The following NTM variants were observed in gnomAD, a reference collection of about 807,000 sequenced individuals.
NTM encodes neurotrimin.
In NTM, 13 loss-of-function variants were observed where a neutral mutation model predicts 42.1. The ratio of observed to expected loss-of-function variants is 0.31; its 90% CI spans 0.20 to 0.49. The LOEUF is 0.49. Among genes scored for constraint, NTM ranks in the 20% least tolerant of loss-of-function variants. The pLI is 0.99. For missense variants in NTM, 373 were observed against 452.8 expected (o/e 0.82, Z 1.60); for synonymous variants, 187 against 179.2 (o/e 1.04, Z -0.35).
intron 1 of NTM, among the ~76,000 whole-genome samples, chr11:131,752,535 C>T (rs954926398): frequency 2.6e-5 from 4 of 152,218 alleles, no homozygotes; most frequent in African/African-American, 9.7e-5. Flanking sequence ...AATCCCATTA[C>T]TGGGTATATA....
At chr11:131,920,734 A>G (rs1163610949) in intron 2 of NTM, among the ~76,000 whole-genome samples, 3 of 152,218 alleles carry the variant, frequency 2.0e-5, no homozygotes, top group Non-Finnish European at 4.4e-5. Flanking sequence ...TAATCTTACA[A>G]TCTTGCTGAT....
chr11:132,126,124 G>A (rs538791947), intron 2 of NTM, among the ~76,000 whole-genome samples: 1 of 152,230 alleles, frequency 6.6e-6, no homozygotes, highest in East Asian at 1.9e-4. Flanking sequence ...GTGTGTGAAC[G>A]AGTGCAGAAA....
chr11:132,307,372 C>T lies in NTM; in HGVS notation c.527-317C>T, dbSNP rs1011149062. Among the ~76,000 whole-genome samples the T allele has an allele frequency of 1.1e-4, 16 of 152,220 alleles. 1 individual carries two copies. The highest frequency in any genetic ancestry group is 5.8e-4 in the East Asian group (3 of 5,172). On this transcript the variant is annotated intron_variant, in intron 4 of 8. Coordinates refer to ENST00000683400, the MANE Select transcript of NTM (RefSeq NM_001352005.2). ...GCCTGACTCAGATCCCAGAGCACGA[C>T]GGCTTGGTAAGATACAGGCAGTGTA...
chr11:131,418,457 C>A (rs949332986), intron 1 of NTM, among the ~76,000 whole-genome samples: 1 of 152,188 alleles, frequency 6.6e-6, no homozygotes, highest in East Asian at 1.9e-4. Context: ...TCCTTTGTTT[C>A]CCATCTTCCA....
intron 1 of NTM, among the ~76,000 whole-genome samples, chr11:131,478,298 G>A (rs1025025176): frequency 3.3e-5 from 5 of 152,056 alleles, no homozygotes; most frequent in Admixed American, 6.5e-5. Flanking sequence ...TCTTTGTTAC[G>A]TGGCTACTTC....
intron 1 of NTM, among the ~76,000 whole-genome samples, chr11:131,685,261 A>G (rs1157186843): frequency 6.8e-6 from 1 of 147,898 alleles, no homozygotes; most frequent in African/African-American, 2.7e-5. Context: ...TTCCTGATGC[A>G]CTCCTCAAGC....
chr11:131,935,030 G>C (rs2059060697), intron 2 of NTM, among the ~76,000 whole-genome samples: 1 of 152,286 alleles, frequency 6.6e-6, no homozygotes, highest in East Asian at 1.9e-4. Flanking sequence ...CAGTATTCAG[G>C]TGAGGGATAG....
chr11:131,738,129 G>C (rs1371312484), intron 1 of NTM, among the ~76,000 whole-genome samples: 3 of 152,160 alleles, frequency 2.0e-5, no homozygotes, highest in Non-Finnish European at 4.4e-5. Context: ...AGGGGATGGG[G>C]ATGGATGGCC....
At chr11:132,040,128 G>A (rs564752349) in intron 2 of NTM, among the ~76,000 whole-genome samples, 6 of 152,082 alleles carry the variant, frequency 3.9e-5, no homozygotes, top group African/African-American at 1.4e-4. Flanking sequence ...CGAGATGGGG[G>A]TTTCACCATG....
At chr11:131,678,341 C>T (rs2071800274) in intron 1 of NTM, among the ~76,000 whole-genome samples, 1 of 152,236 alleles carries the variant, frequency 6.6e-6, no homozygotes, top group African/African-American at 2.4e-5. Context: ...AGCCCTCTGG[C>T]TCTGGGCAGT....
intron 2 of NTM, among the ~76,000 whole-genome samples, chr11:132,103,243 G>C (rs1056001425): frequency 1.1e-4 from 16 of 152,330 alleles, no homozygotes; most frequent in African/African-American, 3.8e-4. Flanking sequence ...CATCGTCCCT[G>C]CCAGATTGGA....
chr11:132,152,708 C>T (rs2137455076), intron 3 of NTM, among the ~76,000 whole-genome samples: 1 of 152,284 alleles, frequency 6.6e-6, no homozygotes, highest in African/African-American at 2.4e-5. Flanking sequence ...CAGTTGCTGA[C>T]AACGGAGGGA....
At chr11:132,149,157 G>C (rs962809041) in intron 3 of NTM, among the ~76,000 whole-genome samples, 1 of 139,418 alleles carries the variant, frequency 7.2e-6, no homozygotes, top group Non-Finnish European at 1.5e-5. Context: ...TCTTCAAAGC[G>C]ATCAGACAAA....
chr11:132,019,256 T>C (rs2073950782), intron 2 of NTM, among the ~76,000 whole-genome samples: 1 of 123,802 alleles, frequency 8.1e-6, no homozygotes, highest in South Asian at 2.9e-4. Context: ...AGGTTATTGG[T>C]TGAGATCTTT....
At chr11:131,535,250 C>A (rs918162278) in intron 1 of NTM, 10 of 152,296 alleles carry the variant, frequency 6.6e-5, no homozygotes, top group African/African-American at 2.2e-4. Flanking sequence ...GGCAGGGGAA[C>A]AAGGCACTAT....
chr11:131,995,744 G>A (rs1018584260), intron 2 of NTM, among the ~76,000 whole-genome samples: 3 of 151,926 alleles, frequency 2.0e-5, no homozygotes, highest in South Asian at 4.2e-4. Flanking sequence ...CAACAAAGAC[G>A]GCTTTATTCA....
chr11:132,310,810 A>ATTTGT (rs1207008395), intron 6 of NTM, among the ~76,000 whole-genome samples: 1 of 152,098 alleles, frequency 6.6e-6, no homozygotes, highest in African/African-American at 2.4e-5. Flanking sequence ...TCCTCGGGAT[A>ATTTGT]TTTGTTGTGA....
intron 2 of NTM, among the ~76,000 whole-genome samples, chr11:132,041,198 G>T (rs7113745): frequency 0.39 from 57,410 of 145,586 alleles, 12,239 homozygotes; most frequent in East Asian, 0.78. Context: ...TTTGTGTGTG[G>T]GTGTGTGTGT....
intron 1 of NTM, among the ~76,000 whole-genome samples, chr11:131,613,338 A>G (rs1044102663): frequency 6.6e-6 from 1 of 151,894 alleles, no homozygotes; most frequent in African/African-American, 2.4e-5. Flanking sequence ...GCCCCCGCCC[A>G]AGTTCTCTGA....
Sources: allele counts gnomAD v4.1 joint callset (sites outside exome capture counted in the v4.1 genomes callset), GRCh38; gene constraint gnomAD v4.1.1; transcripts MANE v1.5; gene names NCBI Gene and HGNC (gene_info 2026-07-23, HGNC 2026-07-21).